Variants in NPLOC4 observed in about 807,000 individuals in gnomAD.
NPLOC4 encodes NPL4 homolog, ubiquitin recognition factor.
Under a neutral mutation model 80.6 loss-of-function variants are expected in NPLOC4, and 18 were observed. The observed-to-expected ratio is 0.22, with a 90% confidence interval of 0.15 to 0.33. NPLOC4 has a LOEUF of 0.33. Ranked by LOEUF, NPLOC4 falls within the 10% of genes least tolerant of loss-of-function variation. The pLI, the probability that NPLOC4 is intolerant of heterozygous loss-of-function variation, is 1.00. For synonymous variants in NPLOC4, 313 were observed against 301.5 expected, an observed-to-expected ratio of 1.04 and a Z score of -0.39; for missense variants, 540 against 786.1, an observed-to-expected ratio of 0.69 and a Z score of 3.74.
At chr17:81,604,466 A>G (rs2035145029) in intron 8 of NPLOC4, 82 bp downstream of exon 8, 1 of 1,289,990 alleles carries the variant, frequency 7.8e-7, no homozygotes, top group African/African-American at 1.5e-5. Flanking sequence ...AACAAAGCGA[A>G]CAGGGCAAGG....
chr17:81,631,427 T>TAA (rs2035923007), intron 1 of NPLOC4, among the ~76,000 whole-genome samples: 3 of 47,996 alleles, frequency 6.3e-5, no homozygotes, highest in African/African-American at 4.1e-4. Context: ...TGTACATATA[T>TAA]ATATATATAT....
Position 81,609,036 on chromosome 17 carries a change from G to A in NPLOC4, c.436-214C>T, listed in dbSNP as rs144394284. The A allele has an allele frequency of 8.8e-3, 3,963 of 451,234 alleles. 21 individuals are homozygous for A. The highest frequency in any genetic ancestry group is 0.012 in the Non-Finnish European group (3,050 of 251,704). The allele number at this position is 451,234 out of a possible 1,614,324, so 28.0% of individuals were successfully genotyped here. ...GTTTTTTGTTTGTTTGTTTTGAGAC[G>A]GAGTCTCACTCTGTCGCCCAGGCTG... is the stretch of plus-strand genomic sequence containing the variant. On this transcript the variant is annotated intron_variant, in intron 5 of 16. Coordinates refer to ENST00000331134, the MANE Select transcript of NPLOC4 (RefSeq NM_017921.4).
rs1178313415 is a variant in NPLOC4 at position 81,604,584 on chromosome 17, G to C, written c.798C>G (p.Ile266Met). The change falls in exon 8 of 17, where the codon ATC (isoleucine) becomes ATG (methionine). Residue 266 changes from isoleucine to methionine, a missense_variant. Ile to Met is a conservative substitution (Grantham distance 10). Coordinates refer to ENST00000331134, the MANE Select transcript of NPLOC4 (RefSeq NM_017921.4). Reference sequence around the variant, plus strand: ...CATAAATCGCAGCCACTTCAGCCCTGATGCCAAGGGGAATGTCTTTGTGCT... The same window carrying C: ...CATAAATCGCAGCCACTTCAGCCCTCATGCCAAGGGGAATGTCTTTGTGCT... ...YTEHKDIPLGIRAEVAAIYEP... is the reference protein window; with the variant it reads ...YTEHKDIPLGMRAEVAAIYEP... 6.2e-7 allele frequency: 1 copy of C among 1,613,670 alleles called. No individual in the cohort carries two copies. The highest frequency in any genetic ancestry group is 8.5e-7 in the Non-Finnish European group (1 of 1,179,748).
intron 12 of NPLOC4, 32 bp downstream of exon 12, chr17:81,588,912 G>A: frequency 1.3e-6 from 2 of 1,595,062 alleles, no homozygotes; most frequent in East Asian, 2.2e-5. Context: ...CATTCTCCAT[G>A]TACAGAGTTC....
intron 12 of NPLOC4, among the ~76,000 whole-genome samples, chr17:81,574,876 AAC>A (rs71166157): frequency 0.13 from 19,426 of 148,758 alleles, 1,436 homozygotes; most frequent in Admixed American, 0.22. Context: ...CAAACAAACA[AAC>A]ACACACACAC....
Position 81,577,553 on chromosome 17 carries a change from T to G in NPLOC4, c.1282-5465A>C, listed in dbSNP as rs1296224653. 6.6e-6 allele frequency among the ~76,000 whole-genome samples: 1 copy of G among 152,116 alleles called. No homozygotes were observed. The highest frequency in any genetic ancestry group is 1.5e-5 in the Non-Finnish European group (1 of 68,030). ...TCCCTCTGAACCACGGCTTGGCTCA[T>G]CTACTTCTGGGTTAATTTAGGCTTT... On this transcript the variant is annotated intron_variant, in intron 12 of 16. Transcript: ENST00000331134. This position sits in a 1 kb window ranked among gnomAD's most constrained non-coding sequence, Gnocchi z 4.3.
At chr17:81,629,125 G>A (rs908487120) in intron 2 of NPLOC4, among the ~76,000 whole-genome samples, 15 of 151,188 alleles carry the variant, frequency 9.9e-5, no homozygotes, top group East Asian at 3.9e-4. Flanking sequence ...TGATCCGCCC[G>A]CCTCGGCCTC....
intron 12 of NPLOC4, among the ~76,000 whole-genome samples, chr17:81,574,564 TC>T (rs772632945): frequency 3.3e-5 from 5 of 152,152 alleles, no homozygotes; most frequent in Non-Finnish European, 7.3e-5. Flanking sequence ...CGTCAAAGTG[TC>T]AGCAGCTTTA....
At chr17:81,613,164 G>T in intron 4 of NPLOC4, 154 bp downstream of exon 4, 3 of 537,534 alleles carry the variant, frequency 5.6e-6, no homozygotes, top group South Asian at 6.4e-5. Context: ...AAGCTAACAA[G>T]ATAACTTGAA....
chr17:81,590,228 T>C (rs565246964), intron 11 of NPLOC4, among the ~76,000 whole-genome samples: 14 of 152,326 alleles, frequency 9.2e-5, no homozygotes, highest in African/African-American at 2.6e-4. Context: ...AGCTCCTCCA[T>C]GGTTTCACCC....
At chr17:81,630,651 G>T (rs993235621) in intron 1 of NPLOC4, among the ~76,000 whole-genome samples, 1 of 152,106 alleles carries the variant, frequency 6.6e-6, no homozygotes, top group Non-Finnish European at 1.5e-5. Context: ...GGAGGCCAAG[G>T]CGGTGGATCA....
At chr17:81,598,816 T>C (rs926348197) in intron 9 of NPLOC4, among the ~76,000 whole-genome samples, 4 of 152,088 alleles carry the variant, frequency 2.6e-5, no homozygotes, top group Non-Finnish European at 5.9e-5. Flanking sequence ...CACACAACTC[T>C]TCCCATCCAC....
At chr17:81,634,039 A>AT (rs57146509) in intron 1 of NPLOC4, among the ~76,000 whole-genome samples, 7,461 of 140,942 alleles carry the variant, frequency 0.053, 298 homozygotes, top group East Asian at 0.23. Context: ...AATTTTTTGT[A>AT]TTTTTTTTTT....
chr17:81,603,984 T>C (rs1382382742), intron 8 of NPLOC4, among the ~76,000 whole-genome samples: 1 of 152,190 alleles, frequency 6.6e-6, no homozygotes, highest in East Asian at 1.9e-4. Flanking sequence ...GTTGGTGGCA[T>C]AATCATACCG....
At chr17:81,618,293 G>A (rs2035559962) in intron 3 of NPLOC4, among the ~76,000 whole-genome samples, 1 of 147,350 alleles carries the variant, frequency 6.8e-6, no homozygotes, top group Non-Finnish European at 1.5e-5. Flanking sequence ...GATGTGGGGA[G>A]CGCCTCTGCC....
intron 16 of NPLOC4, chr17:81,564,817 A>G (rs886203645): frequency 6.5e-6 from 1 of 153,856 alleles, no homozygotes; most frequent in African/African-American, 2.4e-5. Flanking sequence ...AGGAAATGGT[A>G]TAAAGGTGTT....
In NPLOC4 at chr17:81,557,464, G is replaced by C. The variant is rs1229484333; in HGVS notation, c.*1795C>G. ...ACAACGGAAACTATAATAGCGTGGT[G>C]GATAAGGACGAGCGAGTGGGAGAGG... On this transcript the variant is annotated 3_prime_UTR_variant, in exon 17 of 17. Coordinates refer to ENST00000331134, the MANE Select transcript of NPLOC4 (RefSeq NM_017921.4). The C allele has an allele frequency of 1.3e-5, 2 of 152,324 alleles. No individual in the cohort carries two copies. The highest frequency in any genetic ancestry group is 4.8e-5 in the African/African-American group (2 of 41,464). 9.4% of individuals were successfully genotyped at this position (152,324 alleles called of 1,614,324 possible). A position where few individuals can be genotyped will look rare whatever the true frequency, so the allele number is the denominator to read the frequency against.
rs574508773 is a variant in NPLOC4, at chr17:81,593,333, G to A, written c.1120+2783C>T. 2.0e-5 allele frequency among the ~76,000 whole-genome samples: 3 copies of A among 152,160 alleles called. No homozygotes were observed. The East Asian group carries it at 5.8e-4, about 29-fold the overall frequency. On this transcript the variant is annotated intron_variant, in intron 11 of 16. Transcript: ENST00000331134. ...GACGGCAAGGCCAGCTGAGAGGCCT[G>A]GACCCAGCCCTGTGCTCAGCCCTTG...
chr17:81,591,954 G>C (rs1412207842), intron 11 of NPLOC4, among the ~76,000 whole-genome samples: 3 of 152,170 alleles, frequency 2.0e-5, no homozygotes, highest in Non-Finnish European at 4.4e-5. Context: ...AGTGTGTGGG[G>C]TAAGTTCTAC....
Sources: gnomAD v4.1 joint callset for allele counts (sites outside exome capture counted in the v4.1 genomes callset) on GRCh38, gnomAD v4.1.1 for gene constraint, Gnocchi (gnomAD v3.1) non-coding constraint, MANE v1.5 for transcripts, NCBI Gene and HGNC (gene_info 2026-07-23, HGNC 2026-07-21) for gene names.